PPHLN1: variants seen among roughly 807,000 people sequenced by gnomAD.
The protein encoded by PPHLN1 is periphilin 1, also known as periphilin-1.
Under a neutral mutation model 51.3 loss-of-function variants are expected in PPHLN1, and 29 were observed. That is an observed-to-expected ratio of 0.57 (90% CI 0.42 to 0.77). The LOEUF is 0.77. Ranked by LOEUF, PPHLN1 falls within the 30% of genes least tolerant of loss-of-function variation. The probability of loss-of-function intolerance (pLI) is 0.00; values close to 1 mark genes in which losing one functional copy is unlikely to be tolerated. For synonymous variants in PPHLN1, 147 were observed against 147.8 expected (o/e 0.99, Z 0.04); for missense variants, 436 against 438.4 (o/e 0.99, Z 0.05).
At chr12:42,424,810 C>T (rs747890592) in intron 9 of PPHLN1, among the ~76,000 whole-genome samples, 1 of 152,036 alleles carries the variant, frequency 6.6e-6, no homozygotes, top group African/African-American at 2.4e-5. Flanking sequence ...TGAAAAGTCA[C>T]GATACCTGGA....
intron 9 of PPHLN1, among the ~76,000 whole-genome samples, chr12:42,413,524 ATATGTGTGTGTGTGTGTGTGTGTGTGTG>A (rs1277101918): frequency 2.0e-4 from 24 of 119,012 alleles, no homozygotes; most frequent in Non-Finnish European, 2.9e-4. Context: ...ATATATATGT[ATATGTGTGTGTGTGTGTGTGTGTGTGTG>A]TGTGTGTGTG....
chr12:42,434,345 C>T (rs1382053699), intron 9 of PPHLN1, among the ~76,000 whole-genome samples: 1 of 151,978 alleles, frequency 6.6e-6, no homozygotes, highest in Non-Finnish European at 1.5e-5. Context: ...GGGCTTAATA[C>T]CTAAGTGATG....
intron 9 of PPHLN1, among the ~76,000 whole-genome samples, chr12:42,407,698 C>T (rs2079436706): frequency 6.6e-6 from 1 of 152,180 alleles, no homozygotes; most frequent in Admixed American, 6.5e-5. Flanking sequence ...TTGCATATAA[C>T]CTACACACAT....
intron 2 of PPHLN1, among the ~76,000 whole-genome samples, chr12:42,340,834 A>T (rs1434022330): frequency 2.0e-5 from 3 of 152,194 alleles, no homozygotes; most frequent in Non-Finnish European, 4.4e-5. Flanking sequence ...TTTTTGCAAA[A>T]TATAAAACTA....
intron 9 of PPHLN1, among the ~76,000 whole-genome samples, chr12:42,416,090 G>A (rs1021588037): frequency 1.3e-5 from 2 of 152,154 alleles, no homozygotes; most frequent in Non-Finnish European, 2.9e-5. Flanking sequence ...TAGGAAAATA[G>A]GGAACTATAG....
At chr12:42,412,161 C>T (rs530212788) in intron 9 of PPHLN1, among the ~76,000 whole-genome samples, 57 of 151,790 alleles carry the variant, frequency 3.8e-4, no homozygotes, top group African/African-American at 1.3e-3. Context: ...GCCAAGATCA[C>T]GCCACTGCAC....
At chr12:42,420,675 C>T (rs1484255515) in intron 9 of PPHLN1, among the ~76,000 whole-genome samples, 1 of 72,994 alleles carries the variant, frequency 1.4e-5, no homozygotes, top group Non-Finnish European at 2.8e-5. Context: ...TCCCGCCCTC[C>T]CCTCCCCTCC....
At chr12:42,360,550 C>T (rs2074557635) in intron 4 of PPHLN1, among the ~76,000 whole-genome samples, 1 of 135,634 alleles carries the variant, frequency 7.4e-6, no homozygotes, top group African/African-American at 2.7e-5. Flanking sequence ...GGCTGGAGCG[C>T]AATGGTGTGG....
At chr12:42,333,812 C>T (rs2070180523) in intron 1 of PPHLN1, among the ~76,000 whole-genome samples, 1 of 152,188 alleles carries the variant, frequency 6.6e-6, no homozygotes, top group African/African-American at 2.4e-5. Context: ...GTAAGTGTTG[C>T]TTTCCTTAAT....
intron 2 of PPHLN1, among the ~76,000 whole-genome samples, chr12:42,340,741 C>T (rs938200181): frequency 6.6e-6 from 1 of 152,150 alleles, no homozygotes; most frequent in East Asian, 1.9e-4. Flanking sequence ...GTGGTACTTA[C>T]ACCTTGTGAA....
At chr12:42,339,027 A>G (rs766084184) in intron 2 of PPHLN1, among the ~76,000 whole-genome samples, 2 of 152,238 alleles carry the variant, frequency 1.3e-5, no homozygotes, top group Non-Finnish European at 2.9e-5. Flanking sequence ...TAAATATGAA[A>G]CAGAGGCTTC....
In PPHLN1 at chr12:42,357,356, A is replaced by G. The variant is rs1412548550; in HGVS notation, c.299+2134A>G. Among the ~76,000 whole-genome samples the G allele has an allele frequency of 2.0e-5, 3 of 152,222 alleles. No individual in the cohort carries two copies. In the East Asian group the frequency reaches 5.8e-4, roughly 29 times the overall value. ...GCCTTGAAAAAGATGTGAAGACTCA[A>G]GATACCATATGTGCATAATTATAAA... On this transcript the variant is annotated intron_variant, in intron 4 of 9. Transcript: ENST00000358314.
chr12:42,410,922 G>T (rs1372028274), intron 9 of PPHLN1, among the ~76,000 whole-genome samples: 1 of 152,038 alleles, frequency 6.6e-6, no homozygotes, highest in Admixed American at 6.5e-5. Flanking sequence ...ATTTACTTTT[G>T]ATATGCAGTT....
At chr12:42,352,886 C>G (rs543749833) in intron 3 of PPHLN1, among the ~76,000 whole-genome samples, 2 of 151,790 alleles carry the variant, frequency 1.3e-5, no homozygotes, top group Admixed American at 6.6e-5. Flanking sequence ...GTCAGGAGGT[C>G]GAGACCAGTC....
chr12:42,346,774 AC>A (rs1279275024), intron 2 of PPHLN1, among the ~76,000 whole-genome samples: 1 of 152,134 alleles, frequency 6.6e-6, no homozygotes, highest in Non-Finnish European at 1.5e-5. Context: ...TGTCTTTCTG[AC>A]CATAGCCATC....
chr12:42,331,535 G>A lies in PPHLN1; in HGVS notation c.-20-4348G>A, dbSNP rs2069734979. ...AACAGTGGTTGGATAGCCCAGTGGA[G>A]TGCTCTAAGAAAGGCTTCTTTTCTT... On this transcript the variant is annotated intron_variant, in intron 1 of 9. Coordinates refer to ENST00000358314, the MANE Select transcript of PPHLN1 (RefSeq NM_201439.2). Among the ~76,000 whole-genome samples the A allele has an allele frequency of 2.0e-5, 3 of 152,192 alleles. No individual in the cohort carries two copies. In the South Asian group the frequency reaches 6.2e-4, roughly 32 times the overall value.
intron 4 of PPHLN1, chr12:42,359,451 G>A (rs1565817826): frequency 6.6e-6 from 1 of 152,210 alleles, no homozygotes; most frequent in African/African-American, 2.4e-5. Flanking sequence ...AGGGAATAGA[G>A]AGTATTTGTA....
intron 2 of PPHLN1, among the ~76,000 whole-genome samples, chr12:42,340,914 A>G (rs112335048): frequency 2.8e-4 from 43 of 151,790 alleles, no homozygotes; most frequent in African/African-American, 1.0e-3. Flanking sequence ...TGTTTTATGT[A>G]TTTGAATCCT....
At chr12:42,341,910 C>T (rs2071565175) in intron 2 of PPHLN1, among the ~76,000 whole-genome samples, 1 of 152,126 alleles carries the variant, frequency 6.6e-6, no homozygotes, top group African/African-American at 2.4e-5. Context: ...TGTGAGCCAT[C>T]GCGCCCAGGC....
Sources: gnomAD v4.1 joint callset for allele counts (sites outside exome capture counted in the v4.1 genomes callset) on GRCh38, gnomAD v4.1.1 for gene constraint, MANE v1.5 for transcripts, NCBI Gene and HGNC (gene_info 2026-07-23, HGNC 2026-07-21) for gene names.